PRAG1: variants seen among roughly 807,000 people sequenced by gnomAD.
PRAG1 encodes PEAK1 related, kinase-activating pseudokinase 1, also known as inactive tyrosine-protein kinase PRAG1.
In PRAG1, 110 loss-of-function variants were observed where a neutral mutation model predicts 95.6. The observed-to-expected ratio is 1.15, with a 90% confidence interval of 0.99 to 1.35. The LOEUF is 1.35. Ranked by LOEUF, PRAG1 falls within the 40% of genes most tolerant of loss-of-function variation. The pLI is 0.00. For synonymous variants in PRAG1, 1,052 were observed against 819.4 expected, an observed-to-expected ratio of 1.28 and a Z score of -4.85; for missense variants, 2,554 against 1,864.7, an observed-to-expected ratio of 1.37 and a Z score of -6.81.
chr8:8,362,097 C>A (rs924312560), intron 3 of PRAG1, among the ~76,000 whole-genome samples: 1 of 152,212 alleles, frequency 6.6e-6, no homozygotes, highest in South Asian at 2.1e-4. Context: ...CCTCTTCCCC[C>A]ACCCCTGGAG....
chr8:8,382,600 A>G (rs1337931806), intron 1 of PRAG1, among the ~76,000 whole-genome samples: 1 of 152,246 alleles, frequency 6.6e-6, no homozygotes, highest in Non-Finnish European at 1.5e-5. Context: ...GAGAGAAGAG[A>G]TTAACGAAGA....
intron 5 of PRAG1, among the ~76,000 whole-genome samples, chr8:8,321,798 G>A (rs1454620298): frequency 2.6e-5 from 4 of 152,168 alleles, no homozygotes; most frequent in Non-Finnish European, 5.9e-5. Context: ...TCAAGTTACA[G>A]GGGATTTTCA....
intron 5 of PRAG1, among the ~76,000 whole-genome samples, chr8:8,321,980 T>C (rs923527712): frequency 3.9e-5 from 6 of 152,200 alleles, no homozygotes; most frequent in Non-Finnish European, 5.9e-5. Context: ...TGTTTAGAGA[T>C]ACCTTGTTTA....
chr8:8,367,772 C>G (rs1015025757), intron 3 of PRAG1, among the ~76,000 whole-genome samples: 1 of 151,826 alleles, frequency 6.6e-6, no homozygotes, highest in Non-Finnish European at 1.5e-5. Context: ...CTCCCGAATA[C>G]CTGGGATTAC....
chr8:8,369,669 T>G (rs970934946), intron 3 of PRAG1, among the ~76,000 whole-genome samples: 6 of 151,784 alleles, frequency 4.0e-5, no homozygotes, highest in African/African-American at 1.5e-4. Context: ...ACCTTCAAAG[T>G]GCATCTGGTC....
intron 4 of PRAG1, among the ~76,000 whole-genome samples, chr8:8,330,780 G>T (rs986755118): frequency 2.6e-5 from 4 of 152,190 alleles, no homozygotes; most frequent in Admixed American, 1.3e-4. Context: ...GACAGACGGA[G>T]GCTAGGGCAG....
chr8:8,354,128 A>G (rs2116874282), intron 3 of PRAG1, among the ~76,000 whole-genome samples: 1 of 152,232 alleles, frequency 6.6e-6, no homozygotes, highest in South Asian at 2.1e-4. Flanking sequence ...AGAAATAAAA[A>G]TGATCATAAG....
At position 8,318,101 on chromosome 8, in the gene PRAG1, C is replaced by G. The variant is rs1798333840; in HGVS notation, c.*53G>C. On this transcript the variant is annotated 3_prime_UTR_variant, in exon 6 of 6. Transcript: ENST00000615670. This position sits in a 1 kb window ranked among gnomAD's most constrained non-coding sequence, Gnocchi z 4.2. ...AGACATGGGTGCTTCCAAGGCGAGACAGGAAAGGGTTAGGCAGGGAAGGGG... is the reference window on the plus strand; with the variant it reads ...AGACATGGGTGCTTCCAAGGCGAGAGAGGAAAGGGTTAGGCAGGGAAGGGG... 2 of 1,532,598 alleles carry G rather than the reference C, an allele frequency of 1.3e-6. No homozygotes were observed. The highest frequency in any genetic ancestry group is 2.1e-4 in the Middle Eastern group (1 of 4,812). The allele number at this position is 1,532,598 out of a possible 1,614,324, so 94.9% of individuals were successfully genotyped here.
At chr8:8,338,964 C>T (rs1799078441) in intron 4 of PRAG1, among the ~76,000 whole-genome samples, 1 of 152,292 alleles carries the variant, frequency 6.6e-6, no homozygotes, top group East Asian at 1.9e-4. Context: ...ACCCATAGGC[C>T]TTAGAGCTTA....
intron 3 of PRAG1, among the ~76,000 whole-genome samples, chr8:8,375,152 G>T (rs1360830601): frequency 6.6e-6 from 1 of 151,504 alleles, no homozygotes; most frequent in South Asian, 2.1e-4. Flanking sequence ...CAGGGAAGCA[G>T]TAGGGAAAAC....
At position 8,342,750 on chromosome 8, in the gene PRAG1, C is replaced by T. The variant is rs558010447; in HGVS notation, c.2163-3115G>A. On this transcript the variant is annotated intron_variant, in intron 3 of 5. Transcript: ENST00000615670. ...AAGAAAGTAGAGCCATATCTCATAC[C>T]GTGTAGAAACACGAATTTTCAACAG... Among the ~76,000 whole-genome samples, 15 of 152,096 alleles carry T rather than the reference C, an allele frequency of 9.9e-5. No homozygotes were observed. In the East Asian group the frequency reaches 2.1e-3, roughly 22 times the overall value.
chr8:8,327,771 C>T lies in PRAG1; in HGVS notation c.3011G>A (p.Gly1004Glu), dbSNP rs760046800. 2.3e-5 allele frequency: 37 copies of T among 1,614,052 alleles called. No homozygotes were observed. Among genetic ancestry groups the T allele is most frequent in the Non-Finnish European group, 3.0e-5 (35 of 1,180,044 alleles). The change falls in exon 5 of 6, where the codon GGG becomes GAG. Residue 1004 changes from glycine (G) to glutamate (E), a missense_variant. By Grantham distance (98) the Gly-to-Glu change is moderately conservative. Coordinates refer to ENST00000615670, the MANE Select transcript of PRAG1 (RefSeq NM_001080826.3). ...GGTGGCACAGTAATAAATGGCATCC[C>T]CCGAGTCACAGCAGGGCTTGTTACA... ...LTCNKPCCDS[G>E]DAIYYCATCS...
At chr8:8,354,625 A>T (rs1194144637) in intron 3 of PRAG1, among the ~76,000 whole-genome samples, 1 of 152,226 alleles carries the variant, frequency 6.6e-6, no homozygotes, top group Admixed American at 6.5e-5. Context: ...CTGGTTTGGC[A>T]TATACAAATA....
chr8:8,356,172 T>C (rs1304523652), intron 3 of PRAG1, among the ~76,000 whole-genome samples: 1 of 152,082 alleles, frequency 6.6e-6, no homozygotes, highest in Non-Finnish European at 1.5e-5. Flanking sequence ...AATGAAAAGG[T>C]GTTCAACATC....
intron 3 of PRAG1, among the ~76,000 whole-genome samples, chr8:8,372,653 G>A (rs1204498669): frequency 6.6e-6 from 1 of 152,200 alleles, no homozygotes; most frequent in Non-Finnish European, 1.5e-5. Context: ...TTCTCCTGCA[G>A]GGCACTCCAG....
chr8:8,371,086 A>G (rs1800181139), intron 3 of PRAG1, among the ~76,000 whole-genome samples: 1 of 148,712 alleles, frequency 6.7e-6, no homozygotes, highest in African/African-American at 2.5e-5. Flanking sequence ...CAGTAAGGCA[A>G]GGTACCACCA....
rs565060097 is a variant in PRAG1 at position 8,351,141 on chromosome 8, G to A, written c.2163-11506C>T. On this transcript the variant is annotated intron_variant, in intron 3 of 5. Transcript: ENST00000615670. ...GCTGTGCAGGAAGCAAGATGTTGGC[G>A]TATGGTGGGCTTCTGGGTAGGCCTC... is the stretch of plus-strand genomic sequence containing the variant. Among the ~76,000 whole-genome samples the A allele has an allele frequency of 7.2e-5, 11 of 152,292 alleles. No individual in the cohort carries two copies. The East Asian group carries it at 7.7e-4, about 11-fold the overall frequency.
intron 3 of PRAG1, among the ~76,000 whole-genome samples, chr8:8,341,486 G>A (rs567709393): frequency 4.6e-5 from 7 of 152,252 alleles, no homozygotes; most frequent in African/African-American, 9.6e-5. Flanking sequence ...TTCAGTAGAC[G>A]CACTTTATCA....
rs772626535 is a variant in PRAG1, at chr8:8,327,993, G to C, written c.2789C>G (p.Ser930Cys). 6.3e-7 allele frequency: 1 copy of C among 1,595,012 alleles called. No homozygotes were observed. Among genetic ancestry groups the C allele is most frequent in the African/African-American group, 1.3e-5 (1 of 74,626 alleles). Residue 930 changes from serine to cysteine, a missense_variant, in exon 5 of 6, where the codon TCC (serine) becomes TGC (cysteine). Physicochemically the swap from Ser to Cys is moderately radical, Grantham distance 112 (BLOSUM62 -1). Transcript: ENST00000615670. ...SSQLSVSSQASTGSTQLQLHG... is the reference protein window; with the variant it reads ...SSQLSVSSQACTGSTQLQLHG... ...CAGCTGAAGCTGGGTGCTCCCGGTGGAGGCTTGACTGGACACGCTCAGCTG... is the reference window on the plus strand; with the variant it reads ...CAGCTGAAGCTGGGTGCTCCCGGTGCAGGCTTGACTGGACACGCTCAGCTG...
Sources: gnomAD v4.1 joint callset for allele counts (sites outside exome capture counted in the v4.1 genomes callset) on GRCh38, gnomAD v4.1.1 for gene constraint, Gnocchi (gnomAD v3.1) non-coding constraint, MANE v1.5 for transcripts, NCBI Gene and HGNC (gene_info 2026-07-23, HGNC 2026-07-21) for gene names.